The following SLC18A2 variants were observed in gnomAD, a reference collection of about 807,000 sequenced individuals.
SLC18A2 encodes the protein solute carrier family 18 member A2.
SLC18A2 carries 33 observed loss-of-function variants against 59.2 expected under a neutral mutation model. The ratio of observed to expected loss-of-function variants is 0.56; its 90% confidence interval spans 0.42 to 0.75. The LOEUF (loss-of-function observed/expected upper bound fraction) is 0.75. Among genes scored for constraint, SLC18A2 ranks in the 30% least tolerant of loss-of-function variants. The probability of loss-of-function intolerance (pLI) is 0.00; values close to 1 mark genes in which losing one functional copy is unlikely to be tolerated. For synonymous variants in SLC18A2, 228 were observed against 253.5 expected (o/e 0.90, Z 0.95); for missense variants, 569 against 668.6 (o/e 0.85, Z 1.64).
Position 117,257,840 on chromosome 10 carries a change from A to C in SLC18A2, c.939A>C (p.Pro313=), listed in dbSNP as rs991580646. The C allele has an allele frequency of 5.6e-6, 9 of 1,612,452 alleles. No individual in the cohort carries two copies. The highest frequency in any genetic ancestry group is 5.3e-5 in the African/African-American group (4 of 74,878). The change falls in exon 10 of 16, where the codon CCA becomes CCC. Residue 313 remains proline (P), a synonymous_variant. Transcript: ENST00000644641. ...FANMGIAMLE[P]ALPIWMMETM... is the part of the protein sequence containing the mutation. The stretch of plus-strand genomic sequence containing the variant: ...ACATGGGCATCGCCATGCTGGAGCC[A>C]GCCCTGCCCATCTGGATGATGGAGA...
chr10:117,253,782 G>C (rs527644414), intron 4 of SLC18A2, among the ~76,000 whole-genome samples: 7 of 152,192 alleles, frequency 4.6e-5, no homozygotes, highest in Non-Finnish European at 7.3e-5. Flanking sequence ...GAAGACGGAG[G>C]TTGCAGTAAG....
At chr10:117,260,060 C>T (rs1844277585) in intron 10 of SLC18A2, among the ~76,000 whole-genome samples, 1 of 152,188 alleles carries the variant, frequency 6.6e-6, no homozygotes, top group Non-Finnish European at 1.5e-5. Context: ...TTGATGCTAT[C>T]ATATCTTAAA....
rs2133732496 is a variant in SLC18A2 at position 117,253,428 on chromosome 10, G to A, written c.494G>A (p.Gly165Glu). ...RIGYPIPIFA[G>E]FCIMFVSTIM... ...GGCTATCCAATTCCCATATTTGCGG[G>A]ATTCTGCATCATGTTTGTCTCAACA... Residue 165 changes from glycine to glutamate, a missense_variant, in exon 4 of 16, where the codon GGA (glycine) becomes GAA (glutamate). Physicochemically the swap from Gly to Glu is moderately conservative, Grantham distance 98. Coordinates refer to ENST00000644641, the MANE Select transcript of SLC18A2 (RefSeq NM_003054.6). 6.2e-7 allele frequency: 1 copy of A among 1,613,908 alleles called. No homozygotes were observed. Among genetic ancestry groups the A allele is most frequent in the Admixed American group, 1.7e-5 (1 of 60,012 alleles).
In SLC18A2 at chr10:117,269,872, C is replaced by A. The variant is rs1019067231; in HGVS notation, c.1187-199C>A. Among the ~76,000 whole-genome samples the A allele has an allele frequency of 6.6e-6, 1 of 152,168 alleles. No individual in the cohort carries two copies. The highest frequency in any genetic ancestry group is 1.5e-5 in the Non-Finnish European group (1 of 68,040). On this transcript the variant is annotated intron_variant, in intron 13 of 15. Coordinates refer to ENST00000644641, the MANE Select transcript of SLC18A2 (RefSeq NM_003054.6). This position sits in a 1 kb window ranked among gnomAD's most constrained non-coding sequence, Gnocchi z 5.1. ...AGAGAACATCTGTATACGAGGGGAA[C>A]CTGACCTCCTCTGGGGGTCAGAAAA...
chr10:117,256,234 C>T (rs1209216206), intron 9 of SLC18A2, among the ~76,000 whole-genome samples: 1 of 152,206 alleles, frequency 6.6e-6, no homozygotes, highest in Non-Finnish European at 1.5e-5. Flanking sequence ...TTTTGTGACT[C>T]TTGGGAAGGA....
intron 10 of SLC18A2, among the ~76,000 whole-genome samples, chr10:117,263,072 A>C (rs2133739447): frequency 6.6e-6 from 1 of 152,326 alleles, no homozygotes. Flanking sequence ...CGCTTGCTGC[A>C]CATTTCCACC....
chr10:117,253,365 G>T (rs766007291), intron 3 of SLC18A2, 34 bp from the exon 4 acceptor site: 1 of 1,551,940 alleles, frequency 6.4e-7, no homozygotes, highest in Admixed American at 1.7e-5. Context: ...ATAGCCTGCA[G>T]TCACCAGATT....
chr10:117,251,143 G>A (rs1160508893), intron 3 of SLC18A2, among the ~76,000 whole-genome samples: 1 of 152,142 alleles, frequency 6.6e-6, no homozygotes, highest in Admixed American at 6.5e-5. Context: ...CAATAGCTTT[G>A]ATACGTATTG....
At position 117,269,995 on chromosome 10, in the gene SLC18A2, G is replaced by A; in HGVS notation, c.1187-76G>A. 2 of 1,575,424 alleles carry A rather than the reference G, an allele frequency of 1.3e-6. No individual in the cohort carries two copies. Among genetic ancestry groups the A allele is most frequent in the Admixed American group, 1.7e-5 (1 of 58,568 alleles). On this transcript the variant is annotated intron_variant, in intron 13 of 15. Coordinates refer to ENST00000644641, the MANE Select transcript of SLC18A2 (RefSeq NM_003054.6). This position sits in a 1 kb window ranked among gnomAD's most constrained non-coding sequence, Gnocchi z 5.1. ...AGAGCTGGCAGGGTGGTGAGTTTAA[G>A]ACACACTCCCTGATATTCGGCCCAT...
At chr10:117,245,861 CT>C (rs1844105721) in intron 3 of SLC18A2, among the ~76,000 whole-genome samples, 1 of 152,194 alleles carries the variant, frequency 6.6e-6, no homozygotes. Flanking sequence ...GTTGAATTTT[CT>C]GGATGGAAGG....
In SLC18A2 at chr10:117,269,591, T is replaced by G. The variant is rs983276187; in HGVS notation, c.1187-480T>G. Among the ~76,000 whole-genome samples, 3 of 152,092 alleles carry G rather than the reference T, an allele frequency of 2.0e-5. No individual in the cohort carries two copies. The highest frequency in any genetic ancestry group is 2.9e-5 in the Non-Finnish European group (2 of 68,032). ...GCCTCTCTGAGTATTGGTTTCCTCA[T>G]CTATAAAATGGGGATGCTCATGATT... On this transcript the variant is annotated intron_variant, in intron 13 of 15. Coordinates refer to ENST00000644641, the MANE Select transcript of SLC18A2 (RefSeq NM_003054.6). This position sits in a 1 kb window ranked among gnomAD's most constrained non-coding sequence, Gnocchi z 5.1.
At chr10:117,263,357 G>A (rs1844315304) in intron 10 of SLC18A2, among the ~76,000 whole-genome samples, 1 of 152,160 alleles carries the variant, frequency 6.6e-6, no homozygotes, top group Non-Finnish European at 1.5e-5. Context: ...TCCAGTCCAG[G>A]GTGAAAGGGA....
In SLC18A2 at chr10:117,255,336, G is replaced by A. The variant is rs940237705; in HGVS notation, c.760G>A (p.Val254Met). Residue 254 changes from valine (V) to methionine (M), a missense_variant, in exon 7 of 16, where the codon GTG (valine) becomes ATG (methionine). By Grantham distance (21) the Val-to-Met change is conservative. Around this residue, in one of 2 missense-constraint regions of SLC18A2, gnomAD observed 377 missense variants for 389.8 expected, o/e 0.97. Transcript: ENST00000644641. ...EFVGKTAPFLVLAALVLLDGA... is the reference protein window; with the variant it reads ...EFVGKTAPFLMLAALVLLDGA... The stretch of plus-strand genomic sequence containing the variant: ...TGTGGGGAAGACGGCTCCGTTCCTG[G>A]TGCTGGCCGCCCTGGTACTCTTGGA... 3 of 1,614,248 alleles carry A rather than the reference G, an allele frequency of 1.9e-6. No individual in the cohort carries two copies. Among genetic ancestry groups the A allele is most frequent in the Non-Finnish European group, 1.7e-6 (2 of 1,180,036 alleles).
chr10:117,266,919 A>G, intron 11 of SLC18A2, 65 bp from the exon 12 acceptor site: 1 of 1,581,578 alleles, frequency 6.3e-7, no homozygotes, highest in Admixed American at 1.7e-5. Flanking sequence ...TTTGATTTTC[A>G]TTGAAAATTT....
intron 13 of SLC18A2, among the ~76,000 whole-genome samples, chr10:117,268,909 T>G (rs1008317451): frequency 6.7e-6 from 1 of 149,298 alleles, no homozygotes; most frequent in Admixed American, 6.8e-5. Flanking sequence ...TGTGTGTATG[T>G]GTGTGAACTA....
At chr10:117,273,615 T>C (rs926223328) in intron 15 of SLC18A2, among the ~76,000 whole-genome samples, 1 of 152,222 alleles carries the variant, frequency 6.6e-6, no homozygotes, top group Non-Finnish European at 1.5e-5. Context: ...GACCACATTC[T>C]GCATATTCTA....
intron 11 of SLC18A2, 48 bp downstream of exon 11, chr10:117,266,859 CTTTCAAAAAATTCTAAGTTG>C (rs1413654658): frequency 6.4e-7 from 1 of 1,574,520 alleles, no homozygotes; most frequent in Non-Finnish European, 8.7e-7. Flanking sequence ...TAATGTAGTT[CTTTCAAAAAATTCTAAGTTG>C]TTTCTGCCTT....
intron 3 of SLC18A2, among the ~76,000 whole-genome samples, chr10:117,248,492 G>A (rs151066642): frequency 1.2e-4 from 19 of 152,304 alleles, no homozygotes; most frequent in African/African-American, 4.6e-4. Context: ...TTCCAAGAAA[G>A]CCTGAGGTTG....
chr10:117,256,718 C>G (rs1185522348), intron 9 of SLC18A2, among the ~76,000 whole-genome samples: 2 of 152,192 alleles, frequency 1.3e-5, no homozygotes, highest in African/African-American at 4.8e-5. Flanking sequence ...GTGACGTCTG[C>G]AAGATGCAGG....
Sources: allele counts gnomAD v4.1 joint callset (sites outside exome capture counted in the v4.1 genomes callset), GRCh38; gene constraint gnomAD v4.1.1; regional missense constraint gnomAD v4.1.1; non-coding constraint Gnocchi (gnomAD v3.1); transcripts MANE v1.5; gene names NCBI Gene and HGNC (gene_info 2026-07-23, HGNC 2026-07-21).